The following ARID1B variants were observed in gnomAD, a reference collection of about 807,000 sequenced individuals.
ARID1B encodes the protein AT-rich interaction domain 1B.
A neutral mutation model predicts 212.3 loss-of-function variants in ARID1B; 30 were observed. That is an observed-to-expected ratio of 0.14 (90% confidence interval 0.11 to 0.19). The LOEUF is 0.19. Ranked by LOEUF, ARID1B falls within the 10% of genes least tolerant of loss-of-function variation. The pLI, the probability that ARID1B is intolerant of heterozygous loss-of-function variation, is 1.00. For synonymous variants in ARID1B, 1,402 were observed against 1,301.7 expected (o/e 1.08, Z -1.66); for missense variants, 2,891 against 3,204.0 (o/e 0.90, Z 2.36).
At chr6:156,891,345 C>T (rs563502792) in intron 2 of ARID1B, among the ~76,000 whole-genome samples, 29 of 152,158 alleles carry the variant, frequency 1.9e-4, no homozygotes, top group Non-Finnish European at 2.9e-4. Flanking sequence ...GGGTTCAAAT[C>T]TGTGATGAAA....
chr6:156,799,453 A>G (rs1780624208), intron 1 of ARID1B, among the ~76,000 whole-genome samples: 1 of 152,120 alleles, frequency 6.6e-6, no homozygotes, highest in Admixed American at 6.5e-5. Context: ...GATTTTTTTT[A>G]TTGCTTGCTT....
chr6:157,051,924 G>C lies in ARID1B; in HGVS notation c.2248-32738G>C, dbSNP rs530607152. On this transcript the variant is annotated intron_variant, in intron 4 of 19. Transcript: ENST00000636930. ...AGTATTTAAAATTCTCTTGTTATCT[G>C]TATGGTTATTTATATGATTAGATGT... 1.3e-4 allele frequency among the ~76,000 whole-genome samples: 20 copies of C among 152,226 alleles called. No individual in the cohort carries two copies. In the South Asian group the frequency reaches 1.7e-3, roughly 13 times the overall value.
chr6:156,936,114 G>C (rs1792185145), intron 4 of ARID1B: 2 of 152,652 alleles, frequency 1.3e-5, no homozygotes, highest in South Asian at 4.1e-4. Flanking sequence ...AGGCCAAGGT[G>C]GGCGGATCAC....
rs1180006488 is a variant in ARID1B at position 157,206,790 on chromosome 6, T to C, written c.6018T>C (p.Ala2006=). 1 of 1,613,886 alleles carries C rather than the reference T, an allele frequency of 6.2e-7. No homozygotes were observed. The highest frequency in any genetic ancestry group is 1.7e-5 in the Admixed American group (1 of 60,020). Residue 2006 remains alanine, a synonymous_variant, in exon 20 of 20, where the codon GCT becomes GCC. Transcript: ENST00000636930. This position sits in a 1 kb window ranked among gnomAD's most constrained non-coding sequence, Gnocchi z 6.8. ...IIATIDDVLS[A]RPGALPEDAN... is the part of the protein sequence containing the mutation. The stretch of plus-strand genomic sequence containing the variant: ...CAACCATCGATGACGTCCTCTCTGC[T>C]CGGCCAGGGGCATTGCCTGAAGACG...
intron 4 of ARID1B, among the ~76,000 whole-genome samples, chr6:156,970,498 A>G (rs1190828544): frequency 6.6e-6 from 1 of 152,230 alleles, no homozygotes; most frequent in Admixed American, 6.5e-5. Context: ...TGCTTTAACT[A>G]TTTAACCAAG....
At chr6:157,141,874 A>G (rs1396789420) in intron 7 of ARID1B, among the ~76,000 whole-genome samples, 1 of 152,248 alleles carries the variant, frequency 6.6e-6, no homozygotes, top group African/African-American at 2.4e-5. Flanking sequence ...GCAGTTTCTT[A>G]TAAACACGTA....
At chr6:156,909,879 G>A (rs1039957853) in intron 3 of ARID1B, among the ~76,000 whole-genome samples, 6 of 152,234 alleles carry the variant, frequency 3.9e-5, no homozygotes, top group African/African-American at 1.4e-4. Flanking sequence ...GAGCCTCTAG[G>A]TGGTTCTAGC....
intron 4 of ARID1B, among the ~76,000 whole-genome samples, chr6:157,067,015 T>G (rs558975154): frequency 1.1e-4 from 16 of 152,140 alleles, no homozygotes; most frequent in Non-Finnish European, 2.1e-4. Flanking sequence ...TGAATCTGTT[T>G]CCTGTGTATG....
At chr6:156,924,271 C>G (rs1000852391) in intron 3 of ARID1B, among the ~76,000 whole-genome samples, 9 of 152,142 alleles carry the variant, frequency 5.9e-5, no homozygotes, top group Admixed American at 5.2e-4. Context: ...TTTCTTTTTC[C>G]TTTACAGTTT....
At chr6:157,021,122 G>A (rs578001829) in intron 4 of ARID1B, among the ~76,000 whole-genome samples, 17 of 152,128 alleles carry the variant, frequency 1.1e-4, no homozygotes, top group Non-Finnish European at 2.4e-4. Flanking sequence ...TTGAGAGAGG[G>A]GGATTTTAGA....
chr6:156,849,302 G>T (rs1176903572), intron 2 of ARID1B, among the ~76,000 whole-genome samples: 1 of 152,180 alleles, frequency 6.6e-6, no homozygotes, highest in Non-Finnish European at 1.5e-5. Context: ...TTCCCTGGAA[G>T]AGTTTTATAT....
chr6:156,784,927 T>A (rs1396404727), intron 1 of ARID1B, among the ~76,000 whole-genome samples: 1 of 152,124 alleles, frequency 6.6e-6, no homozygotes, highest in Non-Finnish European at 1.5e-5. Flanking sequence ...ACCTGGCTAA[T>A]TTTTGTATTT....
chr6:157,003,849 T>C (rs1583121848), intron 4 of ARID1B, among the ~76,000 whole-genome samples: 1 of 152,100 alleles, frequency 6.6e-6, no homozygotes, highest in East Asian at 1.9e-4. Flanking sequence ...TGACTGTTCC[T>C]GGATAATTAA....
intron 2 of ARID1B, among the ~76,000 whole-genome samples, chr6:156,849,213 A>C (rs1296545917): frequency 6.6e-6 from 1 of 152,102 alleles, no homozygotes; most frequent in African/African-American, 2.4e-5. Context: ...GAAGGTACTC[A>C]CGTGTTACCA....
chr6:157,076,596 C>T (rs1432354948), intron 4 of ARID1B, among the ~76,000 whole-genome samples: 1 of 151,306 alleles, frequency 6.6e-6, no homozygotes, highest in Non-Finnish European at 1.5e-5. Flanking sequence ...CATTGTACTT[C>T]TAAGATAAAC....
chr6:156,778,871 CGGAGGA>C lies in ARID1B; in HGVS notation c.1200_1205del (p.Gly401_Gly402del). 4 of 1,340,178 alleles carry C rather than the reference CGGAGGA, an allele frequency of 3.0e-6. No homozygotes were observed. Among genetic ancestry groups the C allele is most frequent in the Non-Finnish European group, 3.9e-6 (4 of 1,036,560 alleles). 83.0% of individuals were successfully genotyped at this position (1,340,178 alleles called of 1,614,324 possible). ...CGGGCGGCGGCGGCGGCGGCGGCGG[CGGAGGA>C]GGAGGAGGCAGCGGAGGAGGAGGAG... On this transcript the variant is annotated inframe_deletion, in exon 1 of 20. Coordinates refer to ENST00000636930, the MANE Select transcript of ARID1B (RefSeq NM_001374828.1).
chr6:156,813,035 T>C (rs1280579925), intron 1 of ARID1B, among the ~76,000 whole-genome samples: 2 of 148,758 alleles, frequency 1.3e-5, no homozygotes, highest in Non-Finnish European at 3.0e-5. Flanking sequence ...TATATACATA[T>C]ATATATACAC....
chr6:156,905,246 G>GCGCACACACACA (rs1554265908), intron 3 of ARID1B, among the ~76,000 whole-genome samples: 15 of 76,046 alleles, frequency 2.0e-4, no homozygotes, highest in African/African-American at 8.1e-5. Flanking sequence ...GCTCACATAT[G>GCGCACACACACA]CACGCACACA....
upstream of ARID1B, among the ~76,000 whole-genome samples, chr6:156,776,048 C>T (rs2114939424): frequency 6.6e-6 from 1 of 151,966 alleles, no homozygotes; most frequent in African/African-American, 2.4e-5. Flanking sequence ...ACCACTGCTG[C>T]AGTGGAAATG....
Sources: gnomAD v4.1 joint callset for allele counts (sites outside exome capture counted in the v4.1 genomes callset) on GRCh38, gnomAD v4.1.1 for gene constraint, Gnocchi (gnomAD v3.1) non-coding constraint, MANE v1.5 for transcripts, NCBI Gene and HGNC (gene_info 2026-07-23, HGNC 2026-07-21) for gene names.